CHEK1: variants seen among roughly 807,000 people sequenced by gnomAD.
CHEK1 encodes the protein checkpoint kinase 1.
A neutral mutation model predicts 60.2 loss-of-function variants in CHEK1; 32 were observed. That is an observed-to-expected ratio of 0.53 (90% CI 0.40 to 0.71). The LOEUF (loss-of-function observed/expected upper bound fraction) is 0.71, where lower values mean the gene tolerates loss of function less well. Among genes scored for constraint, CHEK1 ranks in the 30% least tolerant of loss-of-function variants. The pLI is 0.00. For missense variants in CHEK1, 399 were observed against 564.6 expected, an observed-to-expected ratio of 0.71 and a Z score of 2.97; for synonymous variants, 179 against 187.2, an observed-to-expected ratio of 0.96 and a Z score of 0.36.
downstream of CHEK1, chr11:125,680,579 G>T: frequency 1.5e-6 from 1 of 672,556 alleles, no homozygotes; most frequent in Non-Finnish European, 2.6e-6. Flanking sequence ...ACTGGTTCAG[G>T]AGCTCTCCGA....
chr11:125,677,840 T>G, downstream of CHEK1: 1 of 1,614,170 alleles, frequency 6.2e-7, no homozygotes, highest in Non-Finnish European at 8.5e-7. Flanking sequence ...CCTGTTCCCC[T>G]GAAGCGTGCT....
chr11:125,626,815 G>A lies in CHEK1; in HGVS notation c.47G>A (p.Gly16Glu). Residue 16 changes from glycine (G) to glutamate (E), a missense_variant, in exon 2 of 13, where the codon GGA becomes GAA. By Grantham distance (98) the Gly-to-Glu change is moderately conservative. Transcript: ENST00000438015. ...VEDWDLVQTL[G>E]EGAYGEVQLA... Reference sequence around the variant, plus strand: ...GACTGGGACTTGGTGCAAACCCTGGGAGAAGGTGCCTATGGAGAGTGAGTT... The same window carrying A: ...GACTGGGACTTGGTGCAAACCCTGGAAGAAGGTGCCTATGGAGAGTGAGTT... 1 of 1,614,126 alleles carries A rather than the reference G, an allele frequency of 6.2e-7. No individual in the cohort carries two copies. Among genetic ancestry groups the A allele is most frequent in the Non-Finnish European group, 8.5e-7 (1 of 1,180,026 alleles).
chr11:125,652,731 G>T (rs892651802), intron 11 of CHEK1, among the ~76,000 whole-genome samples: 1 of 152,104 alleles, frequency 6.6e-6, no homozygotes, highest in South Asian at 2.1e-4. Context: ...TATTCATGGG[G>T]TATGTAGTGA....
chr11:125,661,778 T>C (rs1036279602), downstream of CHEK1, among the ~76,000 whole-genome samples: 1 of 152,192 alleles, frequency 6.6e-6, no homozygotes, highest in African/African-American at 2.4e-5. Flanking sequence ...CTTTACACTT[T>C]TATAATTTAT....
downstream of CHEK1, among the ~76,000 whole-genome samples, chr11:125,679,944 A>C (rs1343641147): frequency 6.6e-6 from 1 of 152,242 alleles, no homozygotes; most frequent in Admixed American, 6.5e-5. Flanking sequence ...AAGTTTTGAT[A>C]AAGAGATGTT....
At chr11:125,662,154 G>C (rs1203613603) in intron 13 of CHEK1, among the ~76,000 whole-genome samples, 1 of 152,200 alleles carries the variant, frequency 6.6e-6, no homozygotes. Context: ...ACTGTAAACT[G>C]TGTGGCTTAT....
In CHEK1 at chr11:125,625,552, G is replaced by A; in HGVS notation, c.-481G>A. 1 of 585,640 alleles carries A rather than the reference G, an allele frequency of 1.7e-6. No homozygotes were observed. Among genetic ancestry groups the A allele is most frequent in the Middle Eastern group, 4.6e-4 (1 of 2,192 alleles). 36.3% of individuals were successfully genotyped at this position (585,640 alleles called of 1,614,324 possible). The stretch of plus-strand genomic sequence containing the variant: ...GACTGTGATCCTCACAGTCCTGTCC[G>A]GTGGCCTCACGCAGGTGGCGGTGCA... On this transcript the variant is annotated 5_prime_UTR_variant, in exon 1 of 13. Transcript: ENST00000438015.
At chr11:125,667,778 G>A (rs982867173) in intron 13 of CHEK1, among the ~76,000 whole-genome samples, 6 of 152,076 alleles carry the variant, frequency 3.9e-5, no homozygotes, top group Non-Finnish European at 2.9e-5. Flanking sequence ...ATGCCACCAC[G>A]CCCGGCTAAT....
chr11:125,663,973 T>G (rs1199730132), intron 13 of CHEK1, among the ~76,000 whole-genome samples: 1 of 152,148 alleles, frequency 6.6e-6, no homozygotes, highest in Non-Finnish European at 1.5e-5. Flanking sequence ...CCCTTGCTTG[T>G]TTTTGTCAAC....
chr11:125,676,894 A>G (rs1473708876), downstream of CHEK1, among the ~76,000 whole-genome samples: 1 of 152,156 alleles, frequency 6.6e-6, no homozygotes, highest in Non-Finnish European at 1.5e-5. Flanking sequence ...TTAATAAGCT[A>G]TGTTAGAATG....
chr11:125,668,631 G>A (rs1380519912), intron 13 of CHEK1, among the ~76,000 whole-genome samples: 2 of 152,064 alleles, frequency 1.3e-5, no homozygotes, highest in Non-Finnish European at 2.9e-5. Flanking sequence ...ATAGCTCACT[G>A]CAGCCTCAAA....
At chr11:125,672,492 G>C (rs757103512) in intron 13 of CHEK1, 8 of 1,374,200 alleles carry the variant, frequency 5.8e-6, no homozygotes, top group Non-Finnish European at 8.0e-6. Flanking sequence ...AGGCAGATGT[G>C]GTCAGTTGTT....
At position 125,629,384 on chromosome 11, in the gene CHEK1, C is replaced by T; in HGVS notation, c.355-7C>T. 6.2e-7 allele frequency: 1 copy of T among 1,613,658 alleles called. No homozygotes were observed. The highest frequency in any genetic ancestry group is 1.1e-5 in the South Asian group (1 of 91,060). On this transcript the variant is annotated splice_polypyrimidine_tract_variant and splice_region_variant and intron_variant, in intron 4 of 12. Coordinates refer to ENST00000438015, the MANE Select transcript of CHEK1 (RefSeq NM_001114122.3). ...TTCTAGTGTGTTTCTCTCTGCATCC[C>T]TCTTAGGTTTATCTGCATGGTATTG...
At chr11:125,654,019 A>G (rs1941821698) in intron 12 of CHEK1, among the ~76,000 whole-genome samples, 172 bp downstream of exon 12, 2 of 152,102 alleles carry the variant, frequency 1.3e-5, no homozygotes, top group South Asian at 2.1e-4. Context: ...TGTTTTTTTC[A>G]AATGACATTT....
rs1179066512 is a variant in CHEK1, at chr11:125,656,657, T to G, written c.*1337T>G. On this transcript the variant is annotated 3_prime_UTR_variant, in exon 13 of 13. Coordinates refer to ENST00000438015, the MANE Select transcript of CHEK1 (RefSeq NM_001114122.3). ...AGCTCTCACTGACTTGAACCTCTTC[T>G]GTAAGCTCTAACCTTTTACCTGCTT... 9.3e-6 allele frequency: 2 copies of G among 215,866 alleles called. No homozygotes were observed. Among genetic ancestry groups the G allele is most frequent in the Non-Finnish European group, 1.9e-5 (2 of 107,118 alleles). The allele number at this position is 215,866 out of a possible 1,614,324, so 13.4% of individuals were successfully genotyped here. A position where few individuals can be genotyped will look rare whatever the true frequency, so the allele number is the denominator to read the frequency against.
intron 11 of CHEK1, chr11:125,649,931 A>C (rs975988888): frequency 6.6e-6 from 1 of 152,134 alleles, no homozygotes; most frequent in Non-Finnish European, 1.5e-5. Context: ...TCTGATGAGA[A>C]ATCAGCTGTT....
At chr11:125,674,277 T>C (rs1040989224) in intron 13 of CHEK1, among the ~76,000 whole-genome samples, 1 of 152,230 alleles carries the variant, frequency 6.6e-6, no homozygotes, top group African/African-American at 2.4e-5. Context: ...AACCATGTTA[T>C]ATGCTATGCT....
intron 13 of CHEK1, among the ~76,000 whole-genome samples, chr11:125,666,650 T>C (rs1942104936): frequency 6.6e-6 from 1 of 152,200 alleles, no homozygotes; most frequent in Non-Finnish European, 1.5e-5. Context: ...TCTAGTAATA[T>C]TTGCTTTATA....
intron 13 of CHEK1, among the ~76,000 whole-genome samples, chr11:125,668,275 G>A (rs896387915): frequency 3.9e-5 from 6 of 152,202 alleles, no homozygotes; most frequent in East Asian, 1.9e-4. Context: ...ATAGTTCCTC[G>A]ATGTTTATAT....
Sources: allele counts gnomAD v4.1 joint callset (sites outside exome capture counted in the v4.1 genomes callset), GRCh38; gene constraint gnomAD v4.1.1; transcripts MANE v1.5; gene names NCBI Gene and HGNC (gene_info 2026-07-23, HGNC 2026-07-21).